Variants in DPP10 observed in about 807,000 individuals in gnomAD.
DPP10 encodes dipeptidyl peptidase like 10.
DPP10 carries 33 observed loss-of-function variants against 120.9 expected under a neutral mutation model. That is an observed-to-expected ratio of 0.27 (90% CI 0.21 to 0.37). DPP10 has a LOEUF of 0.37. Among genes scored for constraint, DPP10 ranks in the 10% least tolerant of loss-of-function variants. The pLI is 1.00. For missense variants in DPP10, 816 were observed against 942.8 expected, an observed-to-expected ratio of 0.87 and a Z score of 1.76; for synonymous variants, 337 against 326.1, an observed-to-expected ratio of 1.03 and a Z score of -0.36.
intron 1 of DPP10, among the ~76,000 whole-genome samples, chr2:115,173,565 A>G (rs2053508118): frequency 6.6e-6 from 1 of 152,186 alleles, no homozygotes; most frequent in African/African-American, 2.4e-5. Flanking sequence ...GCTGACTTCC[A>G]TTTACAGCCA....
intron 19 of DPP10, among the ~76,000 whole-genome samples, chr2:115,813,587 T>A (rs1199982820): frequency 6.6e-6 from 1 of 152,344 alleles, no homozygotes; most frequent in East Asian, 1.9e-4. Context: ...TTGGAGAACA[T>A]AATTCAGCCC....
chr2:115,246,754 A>G (rs113405581), intron 1 of DPP10, among the ~76,000 whole-genome samples: 410 of 152,280 alleles, frequency 2.7e-3, no homozygotes, highest in African/African-American at 5.7e-3. Context: ...TACTATATGT[A>G]TACTTATTTT....
chr2:114,918,029 G>C (rs2106636113), intron 1 of DPP10, among the ~76,000 whole-genome samples: 1 of 152,070 alleles, frequency 6.6e-6, no homozygotes, highest in African/African-American at 2.4e-5. Context: ...CTACAGAATG[G>C]GAGAAAATAT....
intron 19 of DPP10, among the ~76,000 whole-genome samples, chr2:115,800,393 C>T (rs757037539): frequency 6.6e-4 from 101 of 152,104 alleles, no homozygotes; most frequent in Non-Finnish European, 1.2e-3. Context: ...GTTGCCTGTT[C>T]ACTCTGACAG....
intron 1 of DPP10, among the ~76,000 whole-genome samples, chr2:115,109,797 T>G (rs1573647235): frequency 1.3e-5 from 2 of 152,228 alleles, no homozygotes; most frequent in East Asian, 3.9e-4. Flanking sequence ...TGGTATCAAT[T>G]GGATAGAGGC....
intron 1 of DPP10, among the ~76,000 whole-genome samples, chr2:115,151,414 C>CT (rs35551255): frequency 0.36 from 50,993 of 141,080 alleles, 10,226 homozygotes; most frequent in Non-Finnish European, 0.46. Context: ...CTTTCTTATA[C>CT]TTTTTTTTTT....
At chr2:115,827,522 G>A in intron 21 of DPP10, among the ~76,000 whole-genome samples, 1 of 123,270 alleles carries the variant, frequency 8.1e-6, no homozygotes, top group South Asian at 2.8e-4. Context: ...TATGCTACAT[G>A]TTATAAATCC....
chr2:114,852,487 C>G (rs575951829), intron 1 of DPP10, among the ~76,000 whole-genome samples: 48 of 152,160 alleles, frequency 3.2e-4, no homozygotes, highest in Non-Finnish European at 5.7e-4. Context: ...TAGCTATTTA[C>G]ATAGTATTTA....
At chr2:115,739,934 C>T in intron 9 of DPP10, 41 bp downstream of exon 9, 1 of 1,598,896 alleles carries the variant, frequency 6.3e-7, no homozygotes, top group South Asian at 1.1e-5. Flanking sequence ...TTCTCTCTCT[C>T]TGCACTAGTG....
chr2:115,538,973 A>G (rs2079028195), intron 5 of DPP10, among the ~76,000 whole-genome samples: 1 of 151,998 alleles, frequency 6.6e-6, no homozygotes, highest in African/African-American at 2.4e-5. Flanking sequence ...TATATTAGTA[A>G]TTGATTTAAC....
At chr2:115,368,208 A>G (rs2065192145) in intron 3 of DPP10, among the ~76,000 whole-genome samples, 1 of 152,132 alleles carries the variant, frequency 6.6e-6, no homozygotes, top group African/African-American at 2.4e-5. Context: ...TGACAGAGAG[A>G]GAAATATAGG....
At chr2:114,588,631 A>C (rs1410064080) in intron 1 of DPP10, among the ~76,000 whole-genome samples, 2 of 152,198 alleles carry the variant, frequency 1.3e-5, no homozygotes. Flanking sequence ...AATATGTACA[A>C]TGTCATTTAA....
chr2:114,833,537 G>A (rs896059937), intron 1 of DPP10: 16 of 152,128 alleles, frequency 1.1e-4, no homozygotes, highest in Non-Finnish European at 2.1e-4. Context: ...CAAACATACA[G>A]GTGGAACGTA....
At chr2:114,837,831 C>T (rs778073331) in intron 1 of DPP10, among the ~76,000 whole-genome samples, 9 of 152,320 alleles carry the variant, frequency 5.9e-5, no homozygotes, top group Non-Finnish European at 8.8e-5. Context: ...TTCTCACCCA[C>T]CTCTGCTCAG....
chr2:115,169,426 ATATACACAC>A (rs1168017584), intron 1 of DPP10, among the ~76,000 whole-genome samples: 1 of 150,878 alleles, frequency 6.6e-6, no homozygotes, highest in East Asian at 1.9e-4. Context: ...ATTATCAAAT[ATATACACAC>A]TATACACACA....
intron 1 of DPP10, among the ~76,000 whole-genome samples, chr2:114,798,647 G>T (rs1459735100): frequency 6.6e-6 from 1 of 152,114 alleles, no homozygotes. Flanking sequence ...CCCTTAAAGG[G>T]CATGACAGTG....
chr2:115,345,604 A>G (rs181610080), intron 3 of DPP10, among the ~76,000 whole-genome samples: 1 of 152,284 alleles, frequency 6.6e-6, no homozygotes, highest in Non-Finnish European at 1.5e-5. Flanking sequence ...GACATTTTGT[A>G]GTCTTTGACT....
intron 1 of DPP10, among the ~76,000 whole-genome samples, chr2:114,841,468 C>T (rs746295232): frequency 1.3e-5 from 2 of 152,114 alleles, no homozygotes; most frequent in Non-Finnish European, 2.9e-5. Flanking sequence ...CAATGAATGC[C>T]TTTAGTAGAC....
intron 1 of DPP10, among the ~76,000 whole-genome samples, chr2:114,939,786 C>G (rs375726255): frequency 3.3e-5 from 5 of 152,204 alleles, no homozygotes; most frequent in African/African-American, 1.2e-4. Flanking sequence ...ACCCTGTCTG[C>G]TTAGAGGGTG....
Sources: gnomAD v4.1 joint callset for allele counts (sites outside exome capture counted in the v4.1 genomes callset) on GRCh38, gnomAD v4.1.1 for gene constraint, MANE v1.5 for transcripts, NCBI Gene and HGNC (gene_info 2026-07-23, HGNC 2026-07-21) for gene names.